The following ATF2 variants were observed in gnomAD, a reference collection of about 807,000 sequenced individuals.
ATF2 encodes the protein activating transcription factor 2, also known as cyclic AMP-dependent transcription factor ATF-2.
In ATF2, 24 loss-of-function variants were observed where a neutral mutation model predicts 60.6. That is an observed-to-expected ratio of 0.40 (90% CI 0.29 to 0.56). The LOEUF (loss-of-function observed/expected upper bound fraction) is 0.56, where lower values mean the gene tolerates loss of function less well. Ranked by LOEUF, ATF2 falls within the 20% of genes least tolerant of loss-of-function variation. ATF2 has a pLI of 0.54. For synonymous variants in ATF2, 206 were observed against 215.4 expected (o/e 0.96, Z 0.38); for missense variants, 433 against 607.7 (o/e 0.71, Z 3.02).
rs749221505 is a variant in ATF2 at position 175,111,613 on chromosome 2, G to A, written c.783C>T (p.Ile261=). ...PVTMVPSVPG[I]PGPSSPQPVQ... ...CTGGTTGGGGAGAGGAAGGACCTGG[G>A]ATTCCTGGAACACTAGGCACCATGG... Residue 261 remains isoleucine, a synonymous_variant, in exon 10 of 14, where the codon ATC becomes ATT. Transcript: ENST00000264110. 22 of 1,613,774 alleles carry A rather than the reference G, an allele frequency of 1.4e-5. No individual in the cohort carries two copies. Among genetic ancestry groups the A allele is most frequent in the Middle Eastern group, 1.6e-4 (1 of 6,082 alleles).
Position 175,136,396 on chromosome 2 carries a change from A to G in ATF2, c.32+16T>C. 1 of 1,607,454 alleles carries G rather than the reference A, an allele frequency of 6.2e-7. No homozygotes were observed. Among genetic ancestry groups the G allele is most frequent in the Non-Finnish European group, 8.5e-7 (1 of 1,177,030 alleles). ...ATGTAAAAAATGGCTAAAAATACCA[A>G]ATATTGCACACATACCTGGCAGAAT... is the stretch of plus-strand genomic sequence containing the variant. On this transcript the variant is annotated intron_variant, in intron 3 of 13. Coordinates refer to ENST00000264110, the MANE Select transcript of ATF2 (RefSeq NM_001880.4).
chr2:175,135,037 A>G (rs1202724809), intron 3 of ATF2, among the ~76,000 whole-genome samples: 4 of 147,556 alleles, frequency 2.7e-5, no homozygotes, highest in African/African-American at 1.0e-4. Flanking sequence ...AAAAAAGACC[A>G]TCCTGGCTAA....
intron 2 of ATF2, among the ~76,000 whole-genome samples, chr2:175,146,186 A>G (rs1698934277): frequency 6.6e-6 from 1 of 152,212 alleles, no homozygotes; most frequent in African/African-American, 2.4e-5. Context: ...AATTGAGGTA[A>G]ACTCTATAAA....
chr2:175,131,588 C>CT (rs1386766968), intron 3 of ATF2, among the ~76,000 whole-genome samples: 1 of 152,184 alleles, frequency 6.6e-6, no homozygotes, highest in Non-Finnish European at 1.5e-5. Context: ...GGAACACCTC[C>CT]TCATGATATC....
rs71419414 is a variant in ATF2, at chr2:175,091,476, A to T, written c.1185+1585T>A. 7.0e-4 allele frequency among the ~76,000 whole-genome samples: 106 copies of T among 152,314 alleles called. 1 individual carries two copies. Among genetic ancestry groups the T allele is most frequent in the Admixed American group, 1.8e-3 (28 of 15,304 alleles). On this transcript the variant is annotated intron_variant, in intron 12 of 13. Transcript: ENST00000264110. ...CTTGATATAAAATAGCCATTTTTGCAGCATAAATTAGTACCTACAGTCTGT... is the reference window on the plus strand; with the variant it reads ...CTTGATATAAAATAGCCATTTTTGCTGCATAAATTAGTACCTACAGTCTGT...
At chr2:175,141,783 G>A (rs1017115533) in intron 2 of ATF2, among the ~76,000 whole-genome samples, 6 of 151,378 alleles carry the variant, frequency 4.0e-5, no homozygotes, top group East Asian at 1.9e-4. Context: ...GTGAGCCACC[G>A]TGCCTGGTCC....
intron 1 of ATF2, among the ~76,000 whole-genome samples, chr2:175,161,283 G>A (rs1471671165): frequency 1.3e-5 from 2 of 152,188 alleles, no homozygotes; most frequent in Non-Finnish European, 2.9e-5. Context: ...CAAGTAGATG[G>A]TTGCTGTACT....
intron 1 of ATF2, among the ~76,000 whole-genome samples, chr2:175,166,951 A>C (rs1346705420): frequency 6.6e-6 from 1 of 152,220 alleles, no homozygotes; most frequent in Non-Finnish European, 1.5e-5. Flanking sequence ...GAAAACCTGA[A>C]GGTACATGTA....
chr2:175,098,853 C>T (rs1695117250), intron 10 of ATF2, among the ~76,000 whole-genome samples: 1 of 152,074 alleles, frequency 6.6e-6, no homozygotes, highest in Non-Finnish European at 1.5e-5. Context: ...TATCTTCTTA[C>T]TGTCTATCAT....
At chr2:175,112,017 AAAT>A (rs1489236698) in intron 9 of ATF2, among the ~76,000 whole-genome samples, 1 of 152,232 alleles carries the variant, frequency 6.6e-6, no homozygotes, top group Non-Finnish European at 1.5e-5. Flanking sequence ...TAGGCATAAA[AAAT>A]AATTTCAACA....
At position 175,151,097 on chromosome 2, in the gene ATF2, C is replaced by T. The variant is rs1699285540; in HGVS notation, c.-81G>A. The T allele has an allele frequency of 6.6e-6, 1 of 152,486 alleles. No homozygotes were observed. The highest frequency in any genetic ancestry group is 6.6e-5 in the Admixed American group (1 of 15,248). 9.4% of individuals were successfully genotyped at this position (152,486 alleles called of 1,614,324 possible). On this transcript the variant is annotated 5_prime_UTR_variant, in exon 2 of 14. Coordinates refer to ENST00000264110, the MANE Select transcript of ATF2 (RefSeq NM_001880.4). ...TGGGCCATGAGCTTTATTTACTCTG[C>T]TTCCAGGAATACCTTAGCTGTTATC...
At chr2:175,116,506 A>G (rs990785068) in intron 7 of ATF2, among the ~76,000 whole-genome samples, 6 of 152,030 alleles carry the variant, frequency 3.9e-5, no homozygotes, top group Non-Finnish European at 5.9e-5. Flanking sequence ...GTCAAGATGG[A>G]GTTGGATATA....
At chr2:175,159,197 T>TAGTTCC (rs1257591694) in intron 1 of ATF2, among the ~76,000 whole-genome samples, 6 of 151,926 alleles carry the variant, frequency 3.9e-5, no homozygotes, top group African/African-American at 1.5e-4. Context: ...GCGGAGACTA[T>TAGTTCC]AGTTCCAGCT....
chr2:175,121,352 A>G, intron 5 of ATF2, 92 bp downstream of exon 5: 2 of 730,202 alleles, frequency 2.7e-6, no homozygotes, highest in South Asian at 3.2e-5. Flanking sequence ...TTGGAATATC[A>G]CCAGACTATA....
At chr2:175,158,846 T>C (rs372308443) in intron 1 of ATF2, among the ~76,000 whole-genome samples, 3 of 152,148 alleles carry the variant, frequency 2.0e-5, no homozygotes, top group African/African-American at 4.8e-5. Context: ...AAGTAACATA[T>C]GTAAAATACA....
intron 10 of ATF2, among the ~76,000 whole-genome samples, chr2:175,104,469 G>C (rs370120243): frequency 3.3e-5 from 5 of 152,076 alleles, no homozygotes; most frequent in South Asian, 4.2e-4. Context: ...TGGCAGGGTG[G>C]GGGGGGCGGT....
rs369378731 is a variant in ATF2 at position 175,128,226 on chromosome 2, C to T, written c.102+1912G>A. Among the ~76,000 whole-genome samples, 49 of 152,288 alleles carry T rather than the reference C, an allele frequency of 3.2e-4. 4 individuals carry two copies. Among genetic ancestry groups the T allele is most frequent in the East Asian group, 2.9e-3 (15 of 5,182 alleles). ...AAAAACTTAGCTTCAACTGGCTGGG[C>T]GCGGTGGCTCACGCCTATCATCTCA... is the stretch of plus-strand genomic sequence containing the variant. On this transcript the variant is annotated intron_variant, in intron 4 of 13. Coordinates refer to ENST00000264110, the MANE Select transcript of ATF2 (RefSeq NM_001880.4).
At chr2:175,133,865 CTGTT>C (rs1314479827) in intron 3 of ATF2, among the ~76,000 whole-genome samples, 1 of 152,028 alleles carries the variant, frequency 6.6e-6, no homozygotes, top group Non-Finnish European at 1.5e-5. Context: ...GCATTTTATT[CTGTT>C]TAAATTATAC....
At chr2:175,145,602 G>A (rs1698895002) in intron 2 of ATF2, among the ~76,000 whole-genome samples, 2 of 152,104 alleles carry the variant, frequency 1.3e-5, no homozygotes, top group Admixed American at 6.6e-5. Context: ...ATGCAAGAAT[G>A]GCCTAATACG....
Sources: allele counts gnomAD v4.1 joint callset (sites outside exome capture counted in the v4.1 genomes callset), GRCh38; gene constraint gnomAD v4.1.1; transcripts MANE v1.5; gene names NCBI Gene and HGNC (gene_info 2026-07-23, HGNC 2026-07-21).